FRMPD3: variants seen among roughly 807,000 people sequenced by gnomAD.
FRMPD3 encodes the protein FERM and PDZ domain-containing protein 3.
In FRMPD3, 42 loss-of-function variants were observed where a neutral mutation model predicts 97.9. The observed-to-expected ratio is 0.43, with a 90% confidence interval of 0.34 to 0.55. The LOEUF (loss-of-function observed/expected upper bound fraction) is 0.55, where lower values mean the gene tolerates loss of function less well. Ranked by LOEUF, FRMPD3 falls within the 20% of genes least tolerant of loss-of-function variation. FRMPD3 has a pLI of 0.03. For missense variants in FRMPD3, 1,303 were observed against 1,457.7 expected, an observed-to-expected ratio of 0.89 and a Z score of 1.73; for synonymous variants, 577 against 581.1, an observed-to-expected ratio of 0.99 and a Z score of 0.10.
Position 107,602,272 on chromosome X carries a change from T to C in FRMPD3, c.4233T>C (p.Asp1411=). The stretch of plus-strand genomic sequence containing the variant: ...GTGACAGGGCCTCGCTGACCTCGGA[T>C]GTCTACCCACATCCTCCCCTGGGCA... ...DQGDRASLTS[D]VYPHPPLGML... The change falls in exon 15 of 15, where the codon GAT becomes GAC. Residue 1411 remains aspartate, a synonymous_variant. Transcript: ENST00000683843. 1.7e-6 allele frequency: 2 copies of C among 1,209,089 alleles called. No homozygotes were observed. Among genetic ancestry groups the C allele is most frequent in the Non-Finnish European group, 2.2e-6 (2 of 894,485 alleles).
At chrX:107,556,187 G>A (rs1922071925) in intron 8 of FRMPD3, among the ~76,000 whole-genome samples, 1 of 111,403 alleles carries the variant, frequency 9.0e-6, no homozygotes, top group East Asian at 2.8e-4. Flanking sequence ...TGTCCTTTTT[G>A]ACTGTTCTGA....
intron 1 of FRMPD3, among the ~76,000 whole-genome samples, chrX:107,487,432 A>T (rs114617935): frequency 0.011 from 1,203 of 111,055 alleles, 11 homozygotes; most frequent in African/African-American, 0.038. Flanking sequence ...GCCAAGAGGG[A>T]AGTCAGAGGT....
intron 3 of FRMPD3, 81 bp downstream of exon 3, chrX:107,530,592 C>T (rs1355295053): frequency 2.9e-6 from 2 of 697,496 alleles, no homozygotes; most frequent in East Asian, 3.5e-5. Context: ...ACTATCCCCC[C>T]CTCGCTCTGA....
chrX:107,506,909 CCT>C (rs1312664242), intron 1 of FRMPD3, among the ~76,000 whole-genome samples: 3 of 111,932 alleles, frequency 2.7e-5, no homozygotes, highest in African/African-American at 9.7e-5. Flanking sequence ...TACCTTGCTA[CCT>C]TCAGCGCTGG....
At chrX:107,474,834 G>C (rs534362994) in intron 1 of FRMPD3, among the ~76,000 whole-genome samples, 9 of 111,912 alleles carry the variant, frequency 8.0e-5, no homozygotes, top group African/African-American at 1.9e-4. Flanking sequence ...AAGTACACGG[G>C]GGGGAAAAAG....
chrX:107,464,170 C>T (rs1931520801), intron 1 of FRMPD3, among the ~76,000 whole-genome samples: 1 of 111,555 alleles, frequency 9.0e-6, no homozygotes, highest in Non-Finnish European at 1.9e-5. Flanking sequence ...AAGGCATTCA[C>T]TGCCTCCCAA....
chrX:107,534,826 C>G (rs1198248265), intron 4 of FRMPD3, among the ~76,000 whole-genome samples: 1 of 112,290 alleles, frequency 8.9e-6, no homozygotes, highest in African/African-American at 3.2e-5. Context: ...TACATATACA[C>G]ACACTACTCA....
At chrX:107,451,053 A>AT (rs770036385) in intron 1 of FRMPD3, among the ~76,000 whole-genome samples, 74 of 111,705 alleles carry the variant, frequency 6.6e-4, no homozygotes, top group Non-Finnish European at 1.2e-3. Flanking sequence ...AAACCACTGC[A>AT]GGGGCAAATG....
rs1345369698 is a variant in FRMPD3, at chrX:107,529,667, C to A, written c.149-742C>A. Among the ~76,000 whole-genome samples the A allele has an allele frequency of 4.5e-5, 5 of 111,608 alleles. No homozygotes were observed. In the Admixed American group the frequency reaches 4.7e-4, roughly 11 times the overall value. Reference sequence around the variant, plus strand: ...TGCCCAAAAGTATGTGCTTTGTTCCCCTCATTTATTGGACAGTGGCATTTC... The same window carrying A: ...TGCCCAAAAGTATGTGCTTTGTTCCACTCATTTATTGGACAGTGGCATTTC... On this transcript the variant is annotated intron_variant, in intron 2 of 14. Coordinates refer to ENST00000683843, the MANE Select transcript of FRMPD3 (RefSeq NM_001388459.1).
At chrX:107,599,188 G>A (rs1387845136) in intron 14 of FRMPD3, among the ~76,000 whole-genome samples, 3 of 109,648 alleles carry the variant, frequency 2.7e-5, no homozygotes, top group Non-Finnish European at 5.7e-5. Context: ...CAGGAGAATC[G>A]CTTGAACCTG....
chrX:107,576,008 G>A (rs763827945), intron 12 of FRMPD3, among the ~76,000 whole-genome samples: 1 of 111,820 alleles, frequency 8.9e-6, no homozygotes, highest in Non-Finnish European at 1.9e-5. Flanking sequence ...GCTGAGCCCT[G>A]GCAAACACAA....
At chrX:107,472,143 GTTGA>G (rs1448828674) in intron 1 of FRMPD3, among the ~76,000 whole-genome samples, 3 of 111,987 alleles carry the variant, frequency 2.7e-5, no homozygotes, top group Non-Finnish European at 5.6e-5. Flanking sequence ...TTTTGATGGG[GTTGA>G]TTTTTTCTCA....
intron 13 of FRMPD3, among the ~76,000 whole-genome samples, chrX:107,576,879 G>T (rs1461201350): frequency 2.7e-5 from 3 of 110,859 alleles, no homozygotes; most frequent in Non-Finnish European, 5.7e-5. Context: ...CAAAGAACAG[G>T]TACTTCACAT....
At chrX:107,560,537 A>C (rs1922311325) in intron 9 of FRMPD3, 144 bp downstream of exon 9, 1 of 893,836 alleles carries the variant, frequency 1.1e-6, no homozygotes, top group African/African-American at 2.0e-5. Flanking sequence ...TAGACTATGA[A>C]GCCCTAGAGC....
chrX:107,592,109 C>T (rs1280366017), intron 13 of FRMPD3, among the ~76,000 whole-genome samples: 3 of 110,016 alleles, frequency 2.7e-5, no homozygotes, highest in Non-Finnish European at 5.7e-5. Context: ...CCCGCAAGTC[C>T]CCAAGGTCCA....
At chrX:107,550,018 G>A (rs1262069693) in intron 5 of FRMPD3, 31 bp from the exon 6 acceptor site, 2 of 970,210 alleles carry the variant, frequency 2.1e-6, no homozygotes, top group Non-Finnish European at 1.5e-6. Flanking sequence ...AAATGAGCCG[G>A]TCTCCTTGTC....
At chrX:107,498,976 G>A (rs1405986469) in intron 1 of FRMPD3, among the ~76,000 whole-genome samples, 1 of 110,594 alleles carries the variant, frequency 9.0e-6, no homozygotes, top group African/African-American at 3.3e-5. Flanking sequence ...GGCTGCTAGG[G>A]TGTCATCTTG....
intron 1 of FRMPD3, among the ~76,000 whole-genome samples, chrX:107,456,652 G>A (rs774479447): frequency 2.9e-4 from 33 of 111,938 alleles, no homozygotes; most frequent in Non-Finnish European, 4.3e-4. Flanking sequence ...TTTTACAGTT[G>A]GCTTGTTTGA....
At chrX:107,495,493 G>A (rs1187115074) in intron 1 of FRMPD3, among the ~76,000 whole-genome samples, 2 of 112,169 alleles carry the variant, frequency 1.8e-5, no homozygotes, top group Non-Finnish European at 3.8e-5. Flanking sequence ...TATCCCTAAT[G>A]TATAGAACTG....
Sources: allele counts gnomAD v4.1 joint callset (sites outside exome capture counted in the v4.1 genomes callset), GRCh38; gene constraint gnomAD v4.1.1; transcripts MANE v1.5; gene names NCBI Gene and HGNC (gene_info 2026-07-23, HGNC 2026-07-21).